Variants in PLCB1 observed in about 807,000 individuals in gnomAD.
PLCB1 encodes phospholipase C beta 1.
PLCB1 carries 46 observed loss-of-function variants against 161.8 expected under a neutral mutation model. The observed-to-expected ratio is 0.28, with a 90% confidence interval of 0.22 to 0.36. PLCB1 has a LOEUF of 0.36. PLCB1 is among the 10% of genes least tolerant of loss of function. PLCB1 has a pLI of 1.00. For missense variants in PLCB1, 1,016 were observed against 1,472.5 expected (o/e 0.69, Z 5.07); for synonymous variants, 517 against 503.7 (o/e 1.03, Z -0.35).
intron 3 of PLCB1, among the ~76,000 whole-genome samples, chr20:8,387,491 A>G (rs559265559): frequency 6.6e-6 from 1 of 152,298 alleles, no homozygotes; most frequent in East Asian, 1.9e-4. Flanking sequence ...AACAATTACA[A>G]TGGTAATATC....
intron 3 of PLCB1, among the ~76,000 whole-genome samples, chr20:8,512,622 A>G (rs558097202): frequency 1.3e-5 from 2 of 152,172 alleles, no homozygotes; most frequent in African/African-American, 4.8e-5. Context: ...ATGGGGTGCA[A>G]TGTATACATA....
chr20:8,818,873 G>A (rs547414836), intron 31 of PLCB1, among the ~76,000 whole-genome samples: 4 of 151,646 alleles, frequency 2.6e-5, no homozygotes, highest in Admixed American at 6.6e-5. Context: ...CCCAGGAGGC[G>A]GAGGCTGCAG....
chr20:8,456,595 A>G (rs1163603789), intron 3 of PLCB1, among the ~76,000 whole-genome samples: 3 of 152,234 alleles, frequency 2.0e-5, no homozygotes, highest in African/African-American at 7.2e-5. Flanking sequence ...AGATGTACAG[A>G]ATATAGATTT....
At chr20:8,484,462 A>C (rs1042817912) in intron 3 of PLCB1, among the ~76,000 whole-genome samples, 10 of 151,358 alleles carry the variant, frequency 6.6e-5, no homozygotes, top group African/African-American at 2.4e-4. Context: ...CCTGGGTTCA[A>C]GTGTTCTCCT....
intron 3 of PLCB1, among the ~76,000 whole-genome samples, chr20:8,577,669 G>C (rs1265341920): frequency 6.6e-6 from 1 of 152,074 alleles, no homozygotes; most frequent in Non-Finnish European, 1.5e-5. Context: ...AATTTTAAAA[G>C]CTAGAGATAA....
intron 3 of PLCB1, among the ~76,000 whole-genome samples, chr20:8,450,247 C>G (rs560580261): frequency 6.6e-6 from 1 of 152,186 alleles, no homozygotes; most frequent in Admixed American, 6.5e-5. Context: ...TCTCATTTCT[C>G]TTGAAAAATT....
chr20:8,144,921 G>A (rs1056137980), intron 1 of PLCB1, among the ~76,000 whole-genome samples: 1 of 152,140 alleles, frequency 6.6e-6, no homozygotes, highest in Non-Finnish European at 1.5e-5. Context: ...CATGAGAATC[G>A]CTGTGGAGTG....
intron 3 of PLCB1, among the ~76,000 whole-genome samples, chr20:8,375,635 G>C (rs754908625): frequency 2.0e-5 from 3 of 152,154 alleles, no homozygotes; most frequent in Non-Finnish European, 4.4e-5. Context: ...ATGATTCTCA[G>C]CATGTATTGA....
At chr20:8,834,205 A>G (rs1231963709) in intron 31 of PLCB1, among the ~76,000 whole-genome samples, 1 of 152,220 alleles carries the variant, frequency 6.6e-6, no homozygotes, top group African/African-American at 2.4e-5. Context: ...CAAGCAATAC[A>G]TAAAATAAAG....
chr20:8,852,483 T>C lies in PLCB1; in HGVS notation c.3424-29139T>C, dbSNP rs898066756. ...AAGTGGAGGAAGGCAGAACTCCCACTAGCCATATCCCAGCCTCCTTAAGAT... is the reference window on the plus strand; with the variant it reads ...AAGTGGAGGAAGGCAGAACTCCCACCAGCCATATCCCAGCCTCCTTAAGAT... On this transcript the variant is annotated intron_variant, in intron 31 of 31. Transcript: ENST00000338037. Among the ~76,000 whole-genome samples, 8 of 152,264 alleles carry C rather than the reference T, an allele frequency of 5.3e-5. No individual in the cohort carries two copies. In the East Asian group the frequency reaches 1.6e-3, roughly 30 times the overall value.
chr20:8,503,303 C>A (rs920127108), intron 3 of PLCB1, among the ~76,000 whole-genome samples: 1 of 152,188 alleles, frequency 6.6e-6, no homozygotes, highest in Non-Finnish European at 1.5e-5. Context: ...CTGATGGCTT[C>A]TTGGACTGCC....
At chr20:8,591,515 C>G (rs578007441) in intron 3 of PLCB1, among the ~76,000 whole-genome samples, 1 of 152,106 alleles carries the variant, frequency 6.6e-6, no homozygotes, top group African/African-American at 2.4e-5. Flanking sequence ...AACTGACTTC[C>G]TATGGTACAA....
chr20:8,190,788 TA>T (rs2051961874), intron 2 of PLCB1, among the ~76,000 whole-genome samples: 1 of 152,126 alleles, frequency 6.6e-6, no homozygotes, highest in Admixed American at 6.6e-5. Context: ...CGTATTCCTC[TA>T]AATGCCCTGG....
intron 7 of PLCB1, among the ~76,000 whole-genome samples, chr20:8,656,413 GAAAAAT>G (rs1195426771): frequency 6.6e-6 from 1 of 151,926 alleles, no homozygotes; most frequent in African/African-American, 2.4e-5. Flanking sequence ...TTAAGGGCTT[GAAAAAT>G]AAAAATAATC....
chr20:8,773,807 C>G (rs527256711), intron 26 of PLCB1, among the ~76,000 whole-genome samples: 1 of 152,070 alleles, frequency 6.6e-6, no homozygotes, highest in African/African-American at 2.4e-5. Flanking sequence ...AACCTCATCT[C>G]TAATAAAAAT....
chr20:8,578,302 T>C lies in PLCB1; in HGVS notation c.247-49992T>C, dbSNP rs146396865. On this transcript the variant is annotated intron_variant, in intron 3 of 31. Coordinates refer to ENST00000338037, the MANE Select transcript of PLCB1 (RefSeq NM_015192.4). ...TATAATACATTCTCTCCAGGGCAAT[T>C]AAAGCAGTTTTTCAGTGTGTGAAGG... is the stretch of plus-strand genomic sequence containing the variant. Among the ~76,000 whole-genome samples the C allele has an allele frequency of 4.5e-3, 685 of 152,328 alleles. 6 individuals are homozygous for C. Among genetic ancestry groups the C allele is most frequent in the African/African-American group, 0.013 (553 of 41,574 alleles).
chr20:8,334,529 C>T (rs980294588), intron 2 of PLCB1, among the ~76,000 whole-genome samples: 5 of 152,186 alleles, frequency 3.3e-5, no homozygotes, highest in African/African-American at 4.8e-5. Flanking sequence ...AAATAATTTA[C>T]TGAGTGCCAT....
intron 3 of PLCB1, among the ~76,000 whole-genome samples, chr20:8,608,522 A>G (rs934308518): frequency 3.9e-5 from 6 of 152,206 alleles, no homozygotes; most frequent in African/African-American, 1.4e-4. Context: ...CCTCACCCAA[A>G]TTAGATAGCC....
intron 3 of PLCB1, among the ~76,000 whole-genome samples, chr20:8,373,291 C>G (rs916898134): frequency 6.6e-6 from 1 of 152,074 alleles, no homozygotes; most frequent in Non-Finnish European, 1.5e-5. Flanking sequence ...ACCTCACTCT[C>G]CTCTAATATT....
Sources: allele counts gnomAD v4.1 joint callset (sites outside exome capture counted in the v4.1 genomes callset), GRCh38; gene constraint gnomAD v4.1.1; transcripts MANE v1.5; gene names NCBI Gene and HGNC (gene_info 2026-07-23, HGNC 2026-07-21).